Variants in UTRN observed in about 807,000 individuals in gnomAD.
The protein encoded by UTRN is dystrophin-related protein 1.
Under a neutral mutation model 463.9 loss-of-function variants are expected in UTRN, and 283 were observed. The observed-to-expected ratio is 0.61, with a 90% confidence interval of 0.55 to 0.67. UTRN has a LOEUF of 0.67. Ranked by LOEUF, UTRN falls within the 30% of genes least tolerant of loss-of-function variation. The probability of loss-of-function intolerance (pLI) is 0.00; values close to 1 mark genes in which losing one functional copy is unlikely to be tolerated. For missense variants in UTRN, 3,922 were observed against 4,084.3 expected (o/e 0.96, Z 1.08); for synonymous variants, 1,442 against 1,431.5 (o/e 1.01, Z -0.17).
At chr6:144,453,674 C>A in intron 18 of UTRN, 108 bp from the exon 19 acceptor site, 1 of 851,482 alleles carries the variant, frequency 1.2e-6, no homozygotes, top group South Asian at 2.5e-5. Flanking sequence ...TTTACCTTTT[C>A]AGATTTAAAA....
chr6:144,388,874 A>G (rs940808725), intron 2 of UTRN, among the ~76,000 whole-genome samples: 2 of 152,218 alleles, frequency 1.3e-5, no homozygotes, highest in Non-Finnish European at 2.9e-5. Context: ...GGAAAGCTAG[A>G]TGCCTGTGAG....
intron 53 of UTRN, among the ~76,000 whole-genome samples, chr6:144,715,849 C>T (rs768316534): frequency 6.6e-6 from 1 of 150,378 alleles, no homozygotes; most frequent in Non-Finnish European, 1.5e-5. Flanking sequence ...CCCAAGGGAA[C>T]ATGTCCTTTG....
chr6:144,514,992 T>G (rs1351166982), intron 37 of UTRN, among the ~76,000 whole-genome samples, 172 bp downstream of exon 37: 1 of 152,152 alleles, frequency 6.6e-6, no homozygotes, highest in Non-Finnish European at 1.5e-5. Context: ...ACCTCCGCCT[T>G]CTGGGTGCAA....
At chr6:144,479,673 G>A in intron 25 of UTRN, 139 bp from the exon 26 acceptor site, 2 of 969,036 alleles carry the variant, frequency 2.1e-6, no homozygotes, top group African/African-American at 1.7e-5. Context: ...AGCATGAGAT[G>A]TATGAGATTT....
chr6:144,566,368 T>C (rs896362210), intron 50 of UTRN, among the ~76,000 whole-genome samples: 4 of 152,148 alleles, frequency 2.6e-5, no homozygotes, highest in Admixed American at 6.5e-5. Context: ...GTGGTTTATA[T>C]TATTAAATGT....
At chr6:144,322,942 CAAA>C (rs554231419) in intron 2 of UTRN, among the ~76,000 whole-genome samples, 1 of 86,542 alleles carries the variant, frequency 1.2e-5, no homozygotes, top group South Asian at 4.0e-4. Flanking sequence ...GACTCCGTCT[CAAA>C]AAAAAAAAAA....
intron 69 of UTRN, among the ~76,000 whole-genome samples, chr6:144,829,229 C>T (rs936777787): frequency 6.6e-6 from 1 of 151,854 alleles, no homozygotes; most frequent in African/African-American, 2.4e-5. Context: ...CTCTTTCTTC[C>T]ACTAGCTAAC....
chr6:144,553,520 T>C (rs1372421377), intron 48 of UTRN, among the ~76,000 whole-genome samples: 2 of 152,208 alleles, frequency 1.3e-5, no homozygotes, highest in Non-Finnish European at 2.9e-5. Context: ...GTTTTAACAT[T>C]CTACCTACTT....
At position 144,730,455 on chromosome 6, in the gene UTRN, A is replaced by G; in HGVS notation, c.7908A>G (p.Glu2636=). The change falls in exon 54 of 75, where the codon GAA becomes GAG. Residue 2636 remains glutamate, a synonymous_variant. Transcript: ENST00000367545. The stretch of plus-strand genomic sequence containing the variant: ...CTGATCAGCCAATTGAGGCCCCTGA[A>G]GAGCCAAGAAGAAACCTACAATCAA... ...FLADQPIEAP[E]EPRRNLQSKT... 1 of 1,610,584 alleles carries G rather than the reference A, an allele frequency of 6.2e-7. No individual in the cohort carries two copies. Among genetic ancestry groups the G allele is most frequent in the Middle Eastern group, 1.7e-4 (1 of 6,046 alleles).
At chr6:144,393,119 A>C (rs978685872) in intron 2 of UTRN, among the ~76,000 whole-genome samples, 1 of 152,200 alleles carries the variant, frequency 6.6e-6, no homozygotes, top group Non-Finnish European at 1.5e-5. Flanking sequence ...GGAAACACCT[A>C]TAACATGGTT....
At chr6:144,354,586 A>G (rs1778391101) in intron 2 of UTRN, among the ~76,000 whole-genome samples, 1 of 152,192 alleles carries the variant, frequency 6.6e-6, no homozygotes, top group Non-Finnish European at 1.5e-5. Context: ...AGTGACTTTC[A>G]GAAGCAGGGT....
chr6:144,793,766 CAA>C, intron 62 of UTRN, 66 bp from the exon 63 acceptor site: 1 of 1,553,128 alleles, frequency 6.4e-7, no homozygotes, highest in South Asian at 1.2e-5. Context: ...TCCACATTAC[CAA>C]AGATATATTT....
intron 23 of UTRN, 80 bp downstream of exon 23, chr6:144,462,946 T>C (rs925271255): frequency 3.5e-6 from 4 of 1,126,936 alleles, no homozygotes; most frequent in Non-Finnish European, 5.1e-6. Context: ...GTATTTATTA[T>C]TTAAATATTT....
chr6:144,568,820 C>G (rs186877728), intron 50 of UTRN, among the ~76,000 whole-genome samples: 269 of 152,076 alleles, frequency 1.8e-3, no homozygotes, highest in Middle Eastern at 3.4e-3. Context: ...GTACAAGCCC[C>G]TTATTTTAAG....
intron 1 of UTRN, among the ~76,000 whole-genome samples, chr6:144,288,997 C>T (rs1803962215): frequency 6.6e-6 from 1 of 152,196 alleles, no homozygotes; most frequent in South Asian, 2.1e-4. Flanking sequence ...CTCTTGACCT[C>T]AAGTGTTAGC....
chr6:144,438,640 A>G (rs1279066812), intron 11 of UTRN, 105 bp from the exon 12 acceptor site: 2 of 1,367,636 alleles, frequency 1.5e-6, no homozygotes, highest in East Asian at 2.3e-5. Context: ...GAATGTTTAG[A>G]CAAGGGTGTC....
In UTRN at chr6:144,772,033, T is replaced by G. The variant is rs939494369; in HGVS notation, c.8557+65T>G. On this transcript the variant is annotated intron_variant, in intron 59 of 74. Coordinates refer to ENST00000367545, the MANE Select transcript of UTRN (RefSeq NM_007124.3). ...GAGAACCGGTTTTTTTTTTTTTTTT[T>G]TTTTTTTTTTTTTTTTTTTTAAGGT... 169 of 1,063,372 alleles carry G rather than the reference T, an allele frequency of 1.6e-4. 1 individual carries two copies. The Admixed American group carries it at 3.1e-3, about 19-fold the overall frequency. The allele number at this position is 1,063,372 out of a possible 1,614,324, so 65.9% of individuals were successfully genotyped here. A position where few individuals can be genotyped will look rare whatever the true frequency, so the allele number is the denominator to read the frequency against.
At chr6:144,601,960 T>A (rs75295823) in intron 51 of UTRN, among the ~76,000 whole-genome samples, 2 of 150,768 alleles carry the variant, frequency 1.3e-5, no homozygotes, top group African/African-American at 4.9e-5. Flanking sequence ...ATCGTTAGCA[T>A]TTTTTTTTGC....
chr6:144,302,670 G>C (rs75284319), intron 2 of UTRN, among the ~76,000 whole-genome samples: 52 of 152,294 alleles, frequency 3.4e-4, no homozygotes, highest in African/African-American at 1.2e-3. Flanking sequence ...TCTCAGGCTA[G>C]TTGGAAAGAA....
Sources: allele counts gnomAD v4.1 joint callset (sites outside exome capture counted in the v4.1 genomes callset), GRCh38; gene constraint gnomAD v4.1.1; transcripts MANE v1.5; gene names NCBI Gene and HGNC (gene_info 2026-07-23, HGNC 2026-07-21).